The following PBRM1 variants were observed in gnomAD, a reference collection of about 807,000 sequenced individuals.
PBRM1 encodes the protein polybromo 1, also known as protein polybromo-1.
In PBRM1, 27 loss-of-function variants were observed where a neutral mutation model predicts 194.5. The observed-to-expected ratio is 0.14, with a 90% CI of 0.10 to 0.19. The LOEUF is 0.19. PBRM1 is among the 10% of genes least tolerant of loss of function. The probability of loss-of-function intolerance (pLI) is 1.00; values close to 1 mark genes in which losing one functional copy is unlikely to be tolerated. For missense variants in PBRM1, 1,466 were observed against 2,077.2 expected (o/e 0.71, Z 5.72); for synonymous variants, 655 against 693.2 (o/e 0.94, Z 0.87).
intron 22 of PBRM1, among the ~76,000 whole-genome samples, chr3:52,569,928 A>C (rs898268057): frequency 1.3e-5 from 2 of 152,260 alleles, no homozygotes. Flanking sequence ...CTCTAGAACA[A>C]TGTTAAATAA....
rs1008157453 is a variant in PBRM1, at chr3:52,550,736, G to A, written c.4680+11C>T. The A allele has an allele frequency of 1.3e-5, 21 of 1,605,516 alleles. No individual in the cohort carries two copies. Among genetic ancestry groups the A allele is most frequent in the Non-Finnish European group, 1.8e-5 (21 of 1,173,172 alleles). On this transcript the variant is annotated intron_variant, in intron 28 of 29. Transcript: ENST00000296302. ...CTGTCAAGTCCTAGAAAATCAAACT[G>A]GGAGGCTCACCTGTTGTCCATATGG...
At chr3:52,596,880 C>A (rs1163604791) in intron 17 of PBRM1, among the ~76,000 whole-genome samples, 3 of 152,140 alleles carry the variant, frequency 2.0e-5, no homozygotes, top group African/African-American at 4.8e-5. Context: ...TGGCTCTGAG[C>A]CCAGCACAGC....
At chr3:52,624,798 T>TC (rs2095393577) in intron 13 of PBRM1, 99 bp downstream of exon 15, 2 of 789,896 alleles carry the variant, frequency 2.5e-6, no homozygotes, top group Non-Finnish European at 4.2e-6. Context: ...AGACTTTTTT[T>TC]CACATGCTTA....
chr3:52,548,313 A>C (rs752932219), intron 29 of PBRM1, 78 bp from the exon 32 acceptor site: 12 of 904,838 alleles, frequency 1.3e-5, no homozygotes, highest in Admixed American at 3.0e-5. Flanking sequence ...GGTCTGACGA[A>C]CTTATTAAAA....
chr3:52,665,739 C>A (rs1293077679), intron 3 of PBRM1, among the ~76,000 whole-genome samples: 1 of 152,114 alleles, frequency 6.6e-6, no homozygotes, highest in Admixed American at 6.5e-5. Context: ...CTGACCCTGC[C>A]CCCTACATCC....
intron 19 of PBRM1, among the ~76,000 whole-genome samples, chr3:52,586,965 C>T (rs1389040932): frequency 2.0e-5 from 3 of 152,100 alleles, no homozygotes; most frequent in Non-Finnish European, 4.4e-5. Context: ...ATGAACATTT[C>T]ATATAGCTAT....
chr3:52,604,585 C>T (rs900891475), intron 16 of PBRM1, among the ~76,000 whole-genome samples: 5 of 151,818 alleles, frequency 3.3e-5, no homozygotes, highest in South Asian at 2.1e-4. Flanking sequence ...CCTAGCTATC[C>T]GGGAAGCTGA....
chr3:52,664,109 C>T (rs2096780579), intron 3 of PBRM1, among the ~76,000 whole-genome samples: 1 of 150,396 alleles, frequency 6.6e-6, no homozygotes, highest in Non-Finnish European at 1.5e-5. Flanking sequence ...GTAGTCCTAG[C>T]TACTTAGGTG....
At chr3:52,635,580 A>T (rs1318334424) in intron 10 of PBRM1, among the ~76,000 whole-genome samples, 1 of 152,104 alleles carries the variant, frequency 6.6e-6, no homozygotes, top group African/African-American at 2.4e-5. Context: ...ACAAATACAA[A>T]AACAAAAAAA....
chr3:52,652,022 C>G (rs902956650), intron 5 of PBRM1, among the ~76,000 whole-genome samples: 1 of 152,152 alleles, frequency 6.6e-6, no homozygotes, highest in Admixed American at 6.5e-5. Flanking sequence ...AACAGCATGA[C>G]TTAGGAGTTA....
chr3:52,662,779 T>C (rs191550015), intron 3 of PBRM1, among the ~76,000 whole-genome samples: 6 of 150,378 alleles, frequency 4.0e-5, no homozygotes, highest in African/African-American at 7.3e-5. Flanking sequence ...TGAGCCGAGA[T>C]TGCGCCACTG....
chr3:52,568,116 C>T (rs2085924456), intron 22 of PBRM1, among the ~76,000 whole-genome samples: 1 of 151,934 alleles, frequency 6.6e-6, no homozygotes, highest in African/African-American at 2.4e-5. Context: ...GTAGCTAGGA[C>T]TATAGATGCC....
chr3:52,662,295 A>G lies in PBRM1; in HGVS notation c.385-19T>C, dbSNP rs1359485625. 12 of 1,120,104 alleles carry G rather than the reference A, an allele frequency of 1.1e-5. No homozygotes were observed. Among genetic ancestry groups the G allele is most frequent in the South Asian group, 1.9e-5 (1 of 53,534 alleles). 69.4% of individuals were successfully genotyped at this position (1,120,104 alleles called of 1,614,324 possible). A position where few individuals can be genotyped will look rare whatever the true frequency, so the allele number is the denominator to read the frequency against. ...AATCTGGCTGTATGTTAGCAAAGAG[A>G]AAAAAAAAAACACTTTAGTAATGTA... On this transcript the variant is annotated intron_variant, in intron 3 of 29. Coordinates refer to ENST00000296302, the Ensembl canonical transcript of PBRM1.
At chr3:52,582,440 C>T (rs1414002763) in intron 20 of PBRM1, among the ~76,000 whole-genome samples, 3 of 136,026 alleles carry the variant, frequency 2.2e-5, no homozygotes, top group Non-Finnish European at 3.1e-5. Context: ...GACGGAGTCT[C>T]GCTCTGTTGC....
At chr3:52,601,297 T>C (rs948850340) in intron 17 of PBRM1, among the ~76,000 whole-genome samples, 4 of 152,196 alleles carry the variant, frequency 2.6e-5, no homozygotes, top group Non-Finnish European at 4.4e-5. Context: ...GGGACCAGTT[T>C]CGTGGAAGAT....
At chr3:52,667,470 T>C (rs1045424300) in intron 3 of PBRM1, among the ~76,000 whole-genome samples, 5 of 152,110 alleles carry the variant, frequency 3.3e-5, no homozygotes, top group Admixed American at 3.3e-4. Flanking sequence ...AAAATTTCTA[T>C]GGCCAGGCAT....
At chr3:52,637,773 C>CAAAAAAAAAAAAAAA (rs755241328) in intron 10 of PBRM1, among the ~76,000 whole-genome samples, 3,055 of 41,964 alleles carry the variant, frequency 0.073, 370 homozygotes, top group Non-Finnish European at 0.12. Context: ...ACTAAAAATA[C>CAAAAAAAAAAAAAAA]AAAAAAAAAA....
At chr3:52,666,670 C>T (rs1289911248) in intron 3 of PBRM1, among the ~76,000 whole-genome samples, 4 of 152,128 alleles carry the variant, frequency 2.6e-5, no homozygotes, top group Non-Finnish European at 4.4e-5. Flanking sequence ...GCGGGTCAAT[C>T]GCTTGAGCCC....
At chr3:52,592,567 GT>G (rs1560159488) in intron 17 of PBRM1, among the ~76,000 whole-genome samples, 1 of 152,186 alleles carries the variant, frequency 6.6e-6, no homozygotes. Context: ...TGGTTTGCTA[GT>G]TATTTTCTTA....
Sources: gnomAD v4.1 joint callset for allele counts (sites outside exome capture counted in the v4.1 genomes callset) on GRCh38, gnomAD v4.1.1 for gene constraint, MANE v1.5 for transcripts, NCBI Gene and HGNC (gene_info 2026-07-23, HGNC 2026-07-21) for gene names.